The following NAALADL2 variants were observed in gnomAD, a reference collection of about 807,000 sequenced individuals.
The protein encoded by NAALADL2 is N-acetylated alpha-linked acidic dipeptidase like 2.
NAALADL2 carries 76 observed loss-of-function variants against 87.2 expected under a neutral mutation model. The ratio of observed to expected loss-of-function variants is 0.87; its 90% confidence interval spans 0.72 to 1.05. The LOEUF is 1.05. Ranked by LOEUF, NAALADL2 falls within the 50% of genes least tolerant of loss-of-function variation. NAALADL2 has a pLI of 0.00. For synonymous variants in NAALADL2, 354 were observed against 331.0 expected (o/e 1.07, Z -0.75); for missense variants, 1,089 against 945.8 (o/e 1.15, Z -1.99).
intron 1 of NAALADL2, among the ~76,000 whole-genome samples, chr3:174,894,037 A>G (rs1731193213): frequency 6.6e-6 from 1 of 152,190 alleles, no homozygotes; most frequent in African/African-American, 2.4e-5. Flanking sequence ...ATGGAAACCA[A>G]AAAGACCAGG....
At chr3:174,910,509 A>G (rs1733557011) in intron 1 of NAALADL2, among the ~76,000 whole-genome samples, 1 of 152,050 alleles carries the variant, frequency 6.6e-6, no homozygotes, top group African/African-American at 2.4e-5. Context: ...ATAAGAAAAT[A>G]GTGAGTTTTA....
intron 3 of NAALADL2, among the ~76,000 whole-genome samples, chr3:174,851,637 C>A (rs1579203734): frequency 6.6e-6 from 1 of 151,976 alleles, no homozygotes; most frequent in Admixed American, 6.6e-5. Flanking sequence ...AGCCTCCTAT[C>A]AAAGAAAAGC....
chr3:175,683,739 T>C lies in NAALADL2; in HGVS notation c.1897-53567T>C, dbSNP rs1415638102. Among the ~76,000 whole-genome samples, 3 of 152,036 alleles carry C rather than the reference T, an allele frequency of 2.0e-5. No individual in the cohort carries two copies. In the East Asian group the frequency reaches 5.8e-4, roughly 29 times the overall value. ...TCTTTTAGTTTCTGATTCTTTGTTA[T>C]TTCATTATGCTGAAACATTGTATTG... On this transcript the variant is annotated intron_variant, in intron 11 of 13. Transcript: ENST00000454872.
chr3:174,735,641 C>A (rs1301553599), intron 2 of NAALADL2, among the ~76,000 whole-genome samples: 1 of 152,154 alleles, frequency 6.6e-6, no homozygotes. Flanking sequence ...GTCACTGCAA[C>A]CTCTACCTCA....
At chr3:174,636,282 AG>A (rs2108714309) in intron 2 of NAALADL2, among the ~76,000 whole-genome samples, 1 of 152,296 alleles carries the variant, frequency 6.6e-6, no homozygotes, top group South Asian at 2.1e-4. Context: ...GTCTACTCAA[AG>A]ATTTTATAGC....
chr3:174,971,767 G>A (rs9850269), intron 1 of NAALADL2, among the ~76,000 whole-genome samples: 6,822 of 151,672 alleles, frequency 0.045, 526 homozygotes, highest in African/African-American at 0.16. Context: ...GTGGGATGTC[G>A]GCTTACTGCA....
intron 4 of NAALADL2, among the ~76,000 whole-genome samples, chr3:175,318,358 A>T (rs1160506341): frequency 6.6e-6 from 1 of 151,938 alleles, no homozygotes; most frequent in Non-Finnish European, 1.5e-5. Context: ...TCTTGACAGA[A>T]AAAATGATGG....
intron 3 of NAALADL2, among the ~76,000 whole-genome samples, chr3:174,759,938 A>G (rs576099583): frequency 6.6e-6 from 1 of 152,188 alleles, no homozygotes; most frequent in African/African-American, 2.4e-5. Context: ...TGACCTTGTG[A>G]TCTGCCCGCC....
chr3:175,709,827 T>C (rs946485337), intron 11 of NAALADL2, among the ~76,000 whole-genome samples: 5 of 152,074 alleles, frequency 3.3e-5, no homozygotes, highest in Non-Finnish European at 7.4e-5. Context: ...AAAGCCTGGC[T>C]CTGTAAAGGG....
At chr3:175,408,182 G>C (rs116075297) in intron 5 of NAALADL2, among the ~76,000 whole-genome samples, 1,957 of 152,118 alleles carry the variant, frequency 0.013, 25 homozygotes, top group Non-Finnish European at 0.018. Flanking sequence ...ATTTATAGGA[G>C]AGAACTCAGT....
At position 175,755,274 on chromosome 3, in the gene NAALADL2, G is replaced by C. The variant is rs774180177; in HGVS notation, c.2045G>C (p.Ser682Thr). 3.1e-6 allele frequency: 5 copies of C among 1,613,526 alleles called. No individual in the cohort carries two copies. In the South Asian group the frequency reaches 4.4e-5, roughly 14 times the overall value. Residue 682 changes from serine to threonine, a missense_variant, in exon 13 of 14, where the codon AGT (serine) becomes ACT (threonine). Ser to Thr is a moderately conservative substitution (Grantham distance 58). Coordinates refer to ENST00000454872, the MANE Select transcript of NAALADL2 (RefSeq NM_207015.3). ...LLAMALRLRE[S>T]AELFQSDEMR... ...GCCATGGCGTTACGCCTGCGGGAGA[G>C]TGCTGAACTTTTTCAGTCTGATGAG... is the stretch of plus-strand genomic sequence containing the variant.
chr3:175,092,878 GA>G (rs1206771858), intron 1 of NAALADL2, among the ~76,000 whole-genome samples: 1 of 151,860 alleles, frequency 6.6e-6, no homozygotes, highest in Non-Finnish European at 1.5e-5. Context: ...TGAAAATATG[GA>G]AAATATATTA....
At chr3:174,706,126 A>G (rs377757040) in intron 2 of NAALADL2, among the ~76,000 whole-genome samples, 9 of 152,248 alleles carry the variant, frequency 5.9e-5, no homozygotes, top group East Asian at 5.8e-4. Context: ...CATGTAAAAC[A>G]ACAATAAAAA....
chr3:175,423,182 T>C (rs1716105958), intron 5 of NAALADL2, among the ~76,000 whole-genome samples: 1 of 148,832 alleles, frequency 6.7e-6, no homozygotes, highest in Admixed American at 6.7e-5. Context: ...GGGGGTCTCT[T>C]CTTTTTTTGC....
At chr3:174,525,400 G>A (rs977888099) in intron 1 of NAALADL2, among the ~76,000 whole-genome samples, 1 of 152,212 alleles carries the variant, frequency 6.6e-6, no homozygotes, top group Non-Finnish European at 1.5e-5. Flanking sequence ...ATGACAGAAT[G>A]TCAGATGGCG....
intron 13 of NAALADL2, among the ~76,000 whole-genome samples, chr3:175,787,525 C>T (rs1050160725): frequency 4.6e-5 from 7 of 152,200 alleles, no homozygotes; most frequent in Non-Finnish European, 7.3e-5. Flanking sequence ...AACTCCCTGA[C>T]CCCTTGCGCT....
chr3:174,508,114 GTTTT>G (rs1311325384), intron 1 of NAALADL2, among the ~76,000 whole-genome samples: 1 of 103,884 alleles, frequency 9.6e-6, no homozygotes. Flanking sequence ...ATATCTAGTG[GTTTT>G]TTTTTTTTTT....
chr3:175,652,041 G>A (rs1207870767), intron 11 of NAALADL2, among the ~76,000 whole-genome samples: 1 of 152,176 alleles, frequency 6.6e-6, no homozygotes, highest in African/African-American at 2.4e-5. Flanking sequence ...AGTGAAAGGA[G>A]ATACTGTACA....
chr3:175,293,015 T>C (rs944456532), intron 4 of NAALADL2, among the ~76,000 whole-genome samples: 13 of 115,680 alleles, frequency 1.1e-4, no homozygotes, highest in East Asian at 5.1e-4. Context: ...CCAGCCTGGG[T>C]GACAGAGCGA....
Sources: gnomAD v4.1 joint callset for allele counts (sites outside exome capture counted in the v4.1 genomes callset) on GRCh38, gnomAD v4.1.1 for gene constraint, MANE v1.5 for transcripts, NCBI Gene and HGNC (gene_info 2026-07-23, HGNC 2026-07-21) for gene names.